The following ZNF681 variants were observed in gnomAD, a reference collection of about 807,000 sequenced individuals.
ZNF681 encodes the protein hypothetical protein FLJ31526.
In ZNF681, 37 loss-of-function variants were observed where a neutral mutation model predicts 56.0. That is an observed-to-expected ratio of 0.66 (90% confidence interval 0.51 to 0.87). ZNF681 has a LOEUF of 0.87. ZNF681 is among the 40% of genes least tolerant of loss of function. The pLI is 0.00. For synonymous variants in ZNF681, 225 were observed against 248.6 expected, an observed-to-expected ratio of 0.91 and a Z score of 0.89; for missense variants, 741 against 744.9, an observed-to-expected ratio of 0.99 and a Z score of 0.06.
rs373608308 is a variant in ZNF681, at chr19:23,744,723, T to C, written c.827A>G (p.His276Arg). The C allele has an allele frequency of 3.7e-6, 6 of 1,613,874 alleles. No homozygotes were observed. Among genetic ancestry groups the C allele is most frequent in the Middle Eastern group, 1.6e-4 (1 of 6,082 alleles). The change falls in exon 4 of 4, where the codon CAT becomes CGT. Residue 276 changes from histidine (H) to arginine (R), a missense_variant. By Grantham distance (29) the His-to-Arg change is conservative (BLOSUM62 0). Transcript: ENST00000402377. ...ACGTTTGTAGGGATTCTCTCCAGTATGAATTATTGTATGTGTTGTAATGTG... is the reference window on the plus strand; with the variant it reads ...ACGTTTGTAGGGATTCTCTCCAGTACGAATTATTGTATGTGTTGTAATGTG... ...SSHITTHTII[H>R]TGENPYKREE...
rs1049533113 is a variant in ZNF681 at position 23,744,571 on chromosome 19, T to C, written c.979A>G (p.Arg327Gly). Residue 327 changes from arginine (R) to glycine (G), a missense_variant, in exon 4 of 4, where the codon AGA becomes GGA. Arg to Gly is a moderately radical substitution (Grantham distance 125). Transcript: ENST00000402377. ...KAFNQSSHLT[R>G]HKIIHTGEKP... ...TCTCCAGTATGAATTATCTTATGTC[T>C]GGTAAGGTGTGAGGACTGGTTGAAA... is the stretch of plus-strand genomic sequence containing the variant. 33 of 1,613,644 alleles carry C rather than the reference T, an allele frequency of 2.0e-5. No individual in the cohort carries two copies. Among genetic ancestry groups the C allele is most frequent in the Non-Finnish European group, 2.8e-5 (33 of 1,179,846 alleles).
intron 3 of ZNF681, among the ~76,000 whole-genome samples, chr19:23,750,815 A>ACT (rs1969016527): frequency 9.5e-6 from 1 of 104,756 alleles, no homozygotes. Context: ...GCAAAGTGAG[A>ACT]CCGCATCTCT....
intron 3 of ZNF681, among the ~76,000 whole-genome samples, chr19:23,750,237 T>C (rs1456534402): frequency 7.0e-6 from 1 of 143,082 alleles, no homozygotes; most frequent in African/African-American, 2.6e-5. Flanking sequence ...TTAGCCAAGA[T>C]TGCGCCATTG....
At position 23,743,531 on chromosome 19, in the gene ZNF681, T is replaced by A. The variant is rs550418355; in HGVS notation, c.*81A>T. The A allele has an allele frequency of 1.5e-6, 2 of 1,292,458 alleles. No individual in the cohort carries two copies. The highest frequency in any genetic ancestry group is 3.0e-5 in the African/African-American group (2 of 66,268). The allele number at this position is 1,292,458 out of a possible 1,614,324, so 80.1% of individuals were successfully genotyped here. A position where few individuals can be genotyped will look rare whatever the true frequency, so the allele number is the denominator to read the frequency against. ...AGTTTTGCCACATTCTTCACACTTG[T>A]AGGTTTTTTTTTAGTATGAATTATC... On this transcript the variant is annotated 3_prime_UTR_variant, in exon 4 of 4. Coordinates refer to ENST00000402377, the MANE Select transcript of ZNF681 (RefSeq NM_138286.3).
chr19:23,749,834 A>T (rs1469795820), intron 3 of ZNF681, among the ~76,000 whole-genome samples: 1 of 152,148 alleles, frequency 6.6e-6, no homozygotes, highest in Non-Finnish European at 1.5e-5. Flanking sequence ...AAAAATTCAG[A>T]ATCATAAATC....
At chr19:23,749,727 T>C (rs550545787) in intron 3 of ZNF681, among the ~76,000 whole-genome samples, 1 of 152,218 alleles carries the variant, frequency 6.6e-6, no homozygotes, top group African/African-American at 2.4e-5. Flanking sequence ...GGATTACACA[T>C]GTAAGCCACA....
At chr19:23,756,961 C>T (rs1228350048) in intron 1 of ZNF681, among the ~76,000 whole-genome samples, 3 of 151,882 alleles carry the variant, frequency 2.0e-5, no homozygotes, top group Non-Finnish European at 2.9e-5. Context: ...ACCTCTGTCT[C>T]GTGGGTTCAC....
rs1251237850 is a variant in ZNF681 at position 23,739,697 on chromosome 19, A to G, written c.*3915T>C. ...ACACAGTAAACAAGTTTGCACGCAA[A>G]ATAATAGAAAATGTTTTTATCTAAA... On this transcript the variant is annotated 3_prime_UTR_variant, in exon 4 of 4. Transcript: ENST00000402377. 1 of 152,194 alleles carries G rather than the reference A, an allele frequency of 6.6e-6. No homozygotes were observed. The highest frequency in any genetic ancestry group is 1.5e-5 in the Non-Finnish European group (1 of 68,026). 9.4% of individuals were successfully genotyped at this position (152,194 alleles called of 1,614,324 possible). A position where few individuals can be genotyped will look rare whatever the true frequency, so the allele number is the denominator to read the frequency against.
chr19:23,758,460 C>T (rs1969158725), intron 1 of ZNF681, among the ~76,000 whole-genome samples: 1 of 152,178 alleles, frequency 6.6e-6, no homozygotes, highest in Non-Finnish European at 1.5e-5. Context: ...AGGATTCGCC[C>T]CTGACGACCC....
chr19:23,743,791 C>G lies in ZNF681; in HGVS notation c.1759G>C (p.Glu587Gln), dbSNP rs755929491. 1 of 1,613,512 alleles carries G rather than the reference C, an allele frequency of 6.2e-7. No individual in the cohort carries two copies. Among genetic ancestry groups the G allele is most frequent in the South Asian group, 1.1e-5 (1 of 91,046 alleles). Residue 587 changes from glutamate (E) to glutamine (Q), a missense_variant, in exon 4 of 4, where the codon GAG becomes CAG. By Grantham distance (29) the Glu-to-Gln change is conservative. Transcript: ENST00000402377. ...CATTTTTCACATTGGTAGGGTTTCT[C>G]TCCAGTATGAATTCTCTTATGTCTA... ...LTRHKRIHTG[E>Q]KPYQCEKCGK...
At chr19:23,745,428 A>G (rs1410191310) in intron 3 of ZNF681, 105 bp from the exon 4 acceptor site, 1 of 894,910 alleles carries the variant, frequency 1.1e-6, no homozygotes, top group Non-Finnish European at 1.5e-6. Flanking sequence ...AAGATGGTAT[A>G]GCAAAATACC....
chr19:23,753,364 A>C (rs1450499265), intron 3 of ZNF681, among the ~76,000 whole-genome samples: 1 of 152,306 alleles, frequency 6.6e-6, no homozygotes, highest in Non-Finnish European at 1.5e-5. Context: ...GCACCAGTGC[A>C]CTCCAGCCTG....
intron 3 of ZNF681, among the ~76,000 whole-genome samples, chr19:23,745,813 T>C (rs1265148514): frequency 6.6e-6 from 1 of 152,082 alleles, no homozygotes; most frequent in African/African-American, 2.4e-5. Flanking sequence ...CAAAATACAT[T>C]TGTGGAAAAT....
intron 3 of ZNF681, among the ~76,000 whole-genome samples, chr19:23,750,746 G>A (rs1427572006): frequency 6.7e-6 from 1 of 150,372 alleles, no homozygotes; most frequent in East Asian, 2.0e-4. Flanking sequence ...GGAGGCTGAA[G>A]TGGTAGGTTC....
At position 23,742,746 on chromosome 19, in the gene ZNF681, T is replaced by A. The variant is rs1264931384; in HGVS notation, c.*866A>T. The stretch of plus-strand genomic sequence containing the variant: ...CATCTTTGATGCAGCAACAATTAAG[T>A]CACATGCTTTCACATGTGAATACAA... On this transcript the variant is annotated 3_prime_UTR_variant, in exon 4 of 4. Transcript: ENST00000402377. The A allele has an allele frequency of 6.6e-6, 1 of 151,786 alleles. No homozygotes were observed. The highest frequency in any genetic ancestry group is 1.5e-5 in the Non-Finnish European group (1 of 67,970). 9.4% of individuals were successfully genotyped at this position (151,786 alleles called of 1,614,324 possible).
rs369489676 is a variant in ZNF681 at position 23,756,684 on chromosome 19, G to A, written c.4-1133C>T. ...GAGAGAAAGAGCATTAGGATAAATA[G>A]CTAATGCATGCCAGGTTTAAAACCT... On this transcript the variant is annotated intron_variant, in intron 1 of 3. Coordinates refer to ENST00000402377, the MANE Select transcript of ZNF681 (RefSeq NM_138286.3). Among the ~76,000 whole-genome samples the A allele has an allele frequency of 3.9e-5, 6 of 152,122 alleles. No homozygotes were observed. In the East Asian group the frequency reaches 7.8e-4, roughly 20 times the overall value.
At chr19:23,748,815 GA>G (rs893003050) in intron 3 of ZNF681, among the ~76,000 whole-genome samples, 2 of 151,986 alleles carry the variant, frequency 1.3e-5, no homozygotes, top group African/African-American at 4.8e-5. Context: ...AAAATCACGT[GA>G]AAAAAACTCA....
chr19:23,749,150 A>G (rs1471474340), intron 3 of ZNF681, among the ~76,000 whole-genome samples: 1 of 152,194 alleles, frequency 6.6e-6, no homozygotes, highest in South Asian at 2.1e-4. Context: ...ACAATGGAAT[A>G]TTATTCAGCC....
intron 3 of ZNF681, among the ~76,000 whole-genome samples, chr19:23,746,791 T>A (rs934233052): frequency 2.6e-5 from 4 of 152,222 alleles, no homozygotes; most frequent in Non-Finnish European, 4.4e-5. Context: ...TATTTGCACC[T>A]GGTGTATTCT....
Sources: gnomAD v4.1 joint callset for allele counts (sites outside exome capture counted in the v4.1 genomes callset) on GRCh38, gnomAD v4.1.1 for gene constraint, MANE v1.5 for transcripts, NCBI Gene and HGNC (gene_info 2026-07-23, HGNC 2026-07-21) for gene names.